NHS: variants seen among roughly 807,000 people sequenced by gnomAD.
NHS encodes NHS actin remodeling regulator, also known as actin remodeling regulator NHS.
Under a neutral mutation model 72.5 loss-of-function variants are expected in NHS, and 5 were observed. That is an observed-to-expected ratio of 0.07 (90% CI 0.04 to 0.14). NHS has a LOEUF of 0.14. Among genes scored for constraint, NHS ranks in the 10% least tolerant of loss-of-function variants. The pLI is 1.00. For synonymous variants in NHS, 464 were observed against 547.7 expected (o/e 0.85, Z 2.13); for missense variants, 1,072 against 1,355.7 (o/e 0.79, Z 3.29).
intron 1 of NHS, among the ~76,000 whole-genome samples, chrX:17,671,150 C>T (rs2066042650): frequency 8.9e-6 from 1 of 112,483 alleles, no homozygotes; most frequent in African/African-American, 3.2e-5. Context: ...TTTGGGCCAA[C>T]CAGGTGCTTG....
At chrX:17,657,998 G>A (rs941737419) in intron 1 of NHS, among the ~76,000 whole-genome samples, 2 of 112,677 alleles carry the variant, frequency 1.8e-5, no homozygotes, top group Admixed American at 9.3e-5. Context: ...GGAGGGTGGC[G>A]CCAGCCTGTC....
chrX:17,575,157 A>G (rs2065503278), intron 1 of NHS, among the ~76,000 whole-genome samples: 1 of 112,413 alleles, frequency 8.9e-6, no homozygotes, highest in South Asian at 3.7e-4. Flanking sequence ...CATTCTGCAC[A>G]CAACCATCAA....
At chrX:17,500,721 G>A (rs1263839115) in intron 1 of NHS, among the ~76,000 whole-genome samples, 1 of 111,833 alleles carries the variant, frequency 8.9e-6, no homozygotes, top group African/African-American at 3.3e-5. Context: ...CCTCAGAAGA[G>A]AATGACAAGG....
At chrX:17,659,223 T>G (rs1431794017) in intron 1 of NHS, among the ~76,000 whole-genome samples, 1 of 112,176 alleles carries the variant, frequency 8.9e-6, no homozygotes, top group Admixed American at 9.4e-5. Context: ...ATCTAGTCTG[T>G]GTGCAGTTTG....
intron 1 of NHS, among the ~76,000 whole-genome samples, chrX:17,637,337 C>G (rs897878828): frequency 2.7e-5 from 3 of 111,920 alleles, no homozygotes; most frequent in Non-Finnish European, 5.6e-5. Context: ...CCAGTTTTCC[C>G]TCAAGACTTG....
intron 1 of NHS, among the ~76,000 whole-genome samples, chrX:17,397,723 A>G (rs1423441620): frequency 8.9e-6 from 1 of 112,115 alleles, no homozygotes; most frequent in Admixed American, 9.4e-5. Context: ...GTGCTCATTG[A>G]TTTATTCATT....
At chrX:17,513,039 C>G (rs1317510320) in intron 1 of NHS, among the ~76,000 whole-genome samples, 2 of 112,172 alleles carry the variant, frequency 1.8e-5, no homozygotes, top group African/African-American at 6.5e-5. Context: ...GACTGCAACC[C>G]TGTTTTACAG....
At chrX:17,475,649 AT>A (rs2064913736) in intron 1 of NHS, among the ~76,000 whole-genome samples, 1 of 111,458 alleles carries the variant, frequency 9.0e-6, no homozygotes, top group African/African-American at 3.3e-5. Flanking sequence ...GGGCAGGGAC[AT>A]TTTCCCATAA....
chrX:17,516,081 A>G (rs1222816592), intron 1 of NHS, among the ~76,000 whole-genome samples: 1 of 111,302 alleles, frequency 9.0e-6, no homozygotes, highest in Non-Finnish European at 1.9e-5. Flanking sequence ...TCTTAATAGT[A>G]TATTTTATTA....
At chrX:17,640,991 GAATTAAGAT>G (rs1199848729) in intron 1 of NHS, among the ~76,000 whole-genome samples, 1 of 112,580 alleles carries the variant, frequency 8.9e-6, no homozygotes, top group Non-Finnish European at 1.9e-5. Context: ...CCACTTGGGA[GAATTAAGAT>G]AATTGTGTGT....
At chrX:17,616,079 C>T (rs1384136250) in intron 1 of NHS, among the ~76,000 whole-genome samples, 1 of 112,360 alleles carries the variant, frequency 8.9e-6, no homozygotes, top group Non-Finnish European at 1.9e-5. Flanking sequence ...CTAATGACAA[C>T]CTGGTAAATG....
At chrX:17,395,874 G>A (rs1245332097) in intron 1 of NHS, among the ~76,000 whole-genome samples, 1 of 112,308 alleles carries the variant, frequency 8.9e-6, no homozygotes. Flanking sequence ...CTGCTTATAA[G>A]TAAGAAATAT....
chrX:17,550,185 A>G (rs1382629986), intron 1 of NHS, among the ~76,000 whole-genome samples: 1 of 112,141 alleles, frequency 8.9e-6, no homozygotes. Context: ...GCGAGGCAGA[A>G]AGGAATTCAC....
intron 1 of NHS, among the ~76,000 whole-genome samples, chrX:17,489,732 C>A (rs748479640): frequency 8.9e-6 from 1 of 112,002 alleles, no homozygotes; most frequent in East Asian, 2.8e-4. Context: ...TGTGATCTGC[C>A]CACCTCGGCC....
intron 1 of NHS, among the ~76,000 whole-genome samples, chrX:17,560,304 T>C (rs760450953): frequency 1.8e-5 from 2 of 112,557 alleles, no homozygotes; most frequent in South Asian, 3.7e-4. Context: ...GGTCACAGGC[T>C]AGCCAACTGG....
At chrX:17,635,566 C>A (rs976188962) in intron 1 of NHS, 23 of 1,166,171 alleles carry the variant, frequency 2.0e-5, no homozygotes, top group Middle Eastern at 2.3e-4. Flanking sequence ...GGAATCCAAG[C>A]ATGGCTCTGG....
intron 1 of NHS, among the ~76,000 whole-genome samples, chrX:17,479,626 G>A (rs1453464702): frequency 8.9e-6 from 1 of 112,217 alleles, no homozygotes; most frequent in African/African-American, 3.2e-5. Flanking sequence ...TGGTTTTGAT[G>A]TGCATTTTTC....
intron 1 of NHS, among the ~76,000 whole-genome samples, chrX:17,584,139 T>G (rs2065560202): frequency 8.9e-6 from 1 of 111,912 alleles, no homozygotes; most frequent in Non-Finnish European, 1.9e-5. Flanking sequence ...GAGTTTGAGC[T>G]GCCGAGTTTT....
intron 1 of NHS, among the ~76,000 whole-genome samples, chrX:17,606,875 C>T (rs150530545): frequency 8.9e-6 from 1 of 112,367 alleles, no homozygotes; most frequent in Non-Finnish European, 1.9e-5. Context: ...TTATCGAGCA[C>T]TTATAACGAA....
Sources: allele counts gnomAD v4.1 joint callset (sites outside exome capture counted in the v4.1 genomes callset), GRCh38; gene constraint gnomAD v4.1.1; transcripts MANE v1.5; gene names NCBI Gene and HGNC (gene_info 2026-07-23, HGNC 2026-07-21).